Variants in PRKCD observed in about 807,000 individuals in gnomAD.
The protein encoded by PRKCD is protein kinase C delta type.
Under a neutral mutation model 82.2 loss-of-function variants are expected in PRKCD, and 20 were observed. The observed-to-expected ratio is 0.24, with a 90% CI of 0.17 to 0.35. PRKCD has a LOEUF of 0.35. PRKCD is among the 10% of genes least tolerant of loss of function. The pLI is 1.00. For missense variants in PRKCD, 607 were observed against 899.0 expected, an observed-to-expected ratio of 0.68 and a Z score of 4.15; for synonymous variants, 317 against 337.0, an observed-to-expected ratio of 0.94 and a Z score of 0.65.
Position 53,192,224 on chromosome 3 carries a change from C to T in PRKCD, c.1989C>T (p.Phe663=). 6.2e-7 allele frequency: 1 copy of T among 1,614,156 alleles called. No homozygotes were observed. Among genetic ancestry groups the T allele is most frequent in the Non-Finnish European group, 8.5e-7 (1 of 1,180,028 alleles). The change falls in exon 19 of 19, where the codon TTC becomes TTT. Residue 663 remains phenylalanine, a synonymous_variant. Coordinates refer to ENST00000330452, the MANE Select transcript of PRKCD (RefSeq NM_006254.4). ...DSMDQSAFAG[F]SFVNPKFEHL... is the part of the protein sequence containing the mutation. ...TGGACCAGTCTGCATTCGCTGGCTT[C>T]TCCTTTGTGAACCCCAAATTCGAGC... is the stretch of plus-strand genomic sequence containing the variant.
At chr3:53,180,775 T>C (rs940391460) in intron 4 of PRKCD, among the ~76,000 whole-genome samples, 50 of 152,214 alleles carry the variant, frequency 3.3e-4, no homozygotes, top group African/African-American at 1.2e-3. Context: ...CCAATCTGCA[T>C]GAGGAGCCCT....
rs554376664 is a variant in PRKCD at position 53,176,979 on chromosome 3, G to A, written c.-19-1425G>A. On this transcript the variant is annotated intron_variant, in intron 2 of 18. Coordinates refer to ENST00000330452, the MANE Select transcript of PRKCD (RefSeq NM_006254.4). ...CAAGTAGCTGGGATTATAGGCATGCGCCACCACGCCTGGCTAGTTTTTGTA... is the reference window on the plus strand; with the variant it reads ...CAAGTAGCTGGGATTATAGGCATGCACCACCACGCCTGGCTAGTTTTTGTA... Among the ~76,000 whole-genome samples, 16 of 152,204 alleles carry A rather than the reference G, an allele frequency of 1.1e-4. No individual in the cohort carries two copies. The East Asian group carries it at 1.2e-3, about 11-fold the overall frequency.
At chr3:53,187,450 C>T (rs1553669523) in intron 15 of PRKCD, 48 bp downstream of exon 15, 1 of 1,587,428 alleles carries the variant, frequency 6.3e-7, no homozygotes, top group Admixed American at 1.7e-5. Flanking sequence ...AGGCTCCAGC[C>T]CCATCATATC....
rs911793065 is a variant in PRKCD at position 53,174,475 on chromosome 3, G to A, written c.-19-3929G>A. Reference sequence around the variant, plus strand: ...CCAGCGGCCTTCCTCTGGGGCCTCCGTGGCCCAGGTCCTATTTGCATGGGG... The same window carrying A: ...CCAGCGGCCTTCCTCTGGGGCCTCCATGGCCCAGGTCCTATTTGCATGGGG... On this transcript the variant is annotated intron_variant, in intron 2 of 18. Coordinates refer to ENST00000330452, the MANE Select transcript of PRKCD (RefSeq NM_006254.4). Among the ~76,000 whole-genome samples, 10 of 152,316 alleles carry A rather than the reference G, an allele frequency of 6.6e-5. No individual in the cohort carries two copies. In the South Asian group the frequency reaches 8.3e-4, roughly 13 times the overall value.
intron 15 of PRKCD, among the ~76,000 whole-genome samples, 155 bp from the exon 16 acceptor site, chr3:53,188,565 A>C (rs1241183698): frequency 1.3e-5 from 2 of 152,120 alleles, no homozygotes; most frequent in African/African-American, 4.8e-5. Context: ...TGTTTTTAGG[A>C]TCTCTTTCTC....
chr3:53,166,883 C>A (rs1371753790), intron 2 of PRKCD, among the ~76,000 whole-genome samples: 1 of 152,234 alleles, frequency 6.6e-6, no homozygotes, highest in African/African-American at 2.4e-5. Flanking sequence ...GGCATGAATG[C>A]GGGGGAGAGG....
chr3:53,163,916 G>T (rs1483184), intron 1 of PRKCD, among the ~76,000 whole-genome samples: 310 of 152,274 alleles, frequency 2.0e-3, no homozygotes, highest in African/African-American at 7.2e-3. Context: ...GGGAGACAGG[G>T]GTGGGGGATG....
chr3:53,183,280 C>A, intron 8 of PRKCD, 74 bp downstream of exon 8: 3 of 1,578,468 alleles, frequency 1.9e-6, no homozygotes, highest in South Asian at 1.1e-5. Flanking sequence ...ACCCTCTCCC[C>A]ACCCTCCCTG....
chr3:53,183,378 G>A, intron 8 of PRKCD, 74 bp from the exon 9 acceptor site: 6 of 1,598,258 alleles, frequency 3.8e-6, no homozygotes, highest in South Asian at 3.4e-5. Context: ...GCCCAGGGTT[G>A]GGGGAGAGCT....
At chr3:53,190,843 T>G (rs1428813760) in intron 18 of PRKCD, among the ~76,000 whole-genome samples, 1 of 152,196 alleles carries the variant, frequency 6.6e-6, no homozygotes, top group Non-Finnish European at 1.5e-5. Flanking sequence ...GACCTCAAAC[T>G]CAGACGTGTC....
Position 53,183,128 on chromosome 3 carries a change from C to T in PRKCD, c.579C>T (p.Asn193=), listed in dbSNP as rs781809625. 1.7e-5 allele frequency: 28 copies of T among 1,614,066 alleles called. No individual in the cohort carries two copies. The highest frequency in any genetic ancestry group is 1.3e-4 in the Admixed American group (8 of 60,002). The part of the protein sequence containing the change: ...NKQGYKCRQC[N]AAIHKKCIDK... ...GGCCTGTGCCTCTTCAAGAATGTAA[C>T]GCTGCCATCCACAAGAAATGCATCG... Residue 193 remains asparagine, a synonymous_variant, in exon 8 of 19, where the codon AAC becomes AAT. Transcript: ENST00000330452.
intron 10 of PRKCD, 98 bp downstream of exon 10, chr3:53,185,072 T>A: frequency 9.1e-7 from 1 of 1,096,128 alleles, no homozygotes; most frequent in Non-Finnish European, 1.4e-6. Context: ...AGCCAGGATA[T>A]ATTTAGACCC....
intron 10 of PRKCD, among the ~76,000 whole-genome samples, chr3:53,185,258 T>C (rs1703630421): frequency 6.6e-6 from 1 of 152,106 alleles, no homozygotes. Context: ...CGTTTGTATG[T>C]GGGGGGGGCT....
intron 9 of PRKCD, 86 bp downstream of exon 9, chr3:53,183,667 C>A: frequency 8.4e-6 from 13 of 1,543,212 alleles, no homozygotes; most frequent in Non-Finnish European, 1.1e-5. Flanking sequence ...GCCACCCTCG[C>A]CTCCTCACCT....
chr3:53,179,476 C>A, intron 3 of PRKCD, 101 bp from the exon 4 acceptor site: 1 of 1,485,852 alleles, frequency 6.7e-7, no homozygotes, highest in Non-Finnish European at 9.4e-7. Context: ...GCCCTCAAGG[C>A]AGGAGAGTCG....
chr3:53,176,820 T>G (rs1180183184), intron 2 of PRKCD, among the ~76,000 whole-genome samples: 6 of 152,152 alleles, frequency 3.9e-5, no homozygotes, highest in Non-Finnish European at 8.8e-5. Flanking sequence ...AAATACAGTT[T>G]GGGTTTTTTT....
Position 53,184,122 on chromosome 3 carries a change from G to C in PRKCD, c.787+541G>C, listed in dbSNP as rs193058454. ...CCGAGGCGGGCGGATCATGAGGTTA[G>C]GAGATCGAGACCATCCTGGCTAACA... On this transcript the variant is annotated intron_variant, in intron 9 of 18. Transcript: ENST00000330452. 4.0e-5 allele frequency among the ~76,000 whole-genome samples: 6 copies of C among 151,068 alleles called. No individual in the cohort carries two copies. The East Asian group carries it at 5.9e-4, about 15-fold the overall frequency.
intron 2 of PRKCD, among the ~76,000 whole-genome samples, chr3:53,167,100 G>A (rs1403769109): frequency 6.6e-6 from 1 of 152,196 alleles, no homozygotes; most frequent in Admixed American, 6.5e-5. Context: ...CAAAGCCTGG[G>A]CCTAGGAGAG....
At chr3:53,165,697 G>A (rs1553663754) in intron 2 of PRKCD, among the ~76,000 whole-genome samples, 1 of 152,206 alleles carries the variant, frequency 6.6e-6, no homozygotes, top group Non-Finnish European at 1.5e-5. Context: ...GTACAGCTGA[G>A]CTGTCTTCCA....
Sources: gnomAD v4.1 joint callset for allele counts (sites outside exome capture counted in the v4.1 genomes callset) on GRCh38, gnomAD v4.1.1 for gene constraint, MANE v1.5 for transcripts, NCBI Gene and HGNC (gene_info 2026-07-23, HGNC 2026-07-21) for gene names.